Variants in DDX10 observed in about 807,000 individuals in gnomAD.
The protein encoded by DDX10 is probable ATP-dependent RNA helicase DDX10.
DDX10 carries 74 observed loss-of-function variants against 104.3 expected under a neutral mutation model. The ratio of observed to expected loss-of-function variants is 0.71; its 90% CI spans 0.59 to 0.86. The LOEUF (loss-of-function observed/expected upper bound fraction) is 0.86, where lower values mean the gene tolerates loss of function less well. Among genes scored for constraint, DDX10 ranks in the 40% least tolerant of loss-of-function variants. DDX10 has a pLI of 0.00. For missense variants in DDX10, 952 were observed against 1,040.0 expected, an observed-to-expected ratio of 0.92 and a Z score of 1.16; for synonymous variants, 351 against 353.4, an observed-to-expected ratio of 0.99 and a Z score of 0.08.
chr11:108,899,911 C>G (rs766225465), intron 16 of DDX10, among the ~76,000 whole-genome samples: 1 of 152,080 alleles, frequency 6.6e-6, no homozygotes, highest in Non-Finnish European at 1.5e-5. Flanking sequence ...GTCAGGAGTT[C>G]GAGAGCAGCC....
intron 9 of DDX10, among the ~76,000 whole-genome samples, chr11:108,694,093 A>T (rs1215104515): frequency 6.6e-6 from 1 of 152,210 alleles, no homozygotes; most frequent in Non-Finnish European, 1.5e-5. Context: ...ACACAGTGGG[A>T]TGGTGTGACA....
intron 10 of DDX10, among the ~76,000 whole-genome samples, chr11:108,709,003 C>T (rs2094280500): frequency 1.3e-5 from 2 of 152,130 alleles, no homozygotes; most frequent in Admixed American, 6.5e-5. Context: ...CCATTCTTTT[C>T]GATTTCCTAT....
chr11:108,863,329 T>C (rs1181519379), intron 16 of DDX10, among the ~76,000 whole-genome samples: 1 of 152,220 alleles, frequency 6.6e-6, no homozygotes, highest in East Asian at 1.9e-4. Flanking sequence ...AAATGGTATA[T>C]ACGTGATCTA....
intron 9 of DDX10, among the ~76,000 whole-genome samples, chr11:108,701,275 T>G (rs1231171421): frequency 1.2e-4 from 18 of 152,316 alleles, no homozygotes; most frequent in East Asian, 3.9e-4. Flanking sequence ...GCTGTCTTTC[T>G]GCACCTGCAT....
At chr11:108,792,628 A>G (rs2134549476) in intron 13 of DDX10, among the ~76,000 whole-genome samples, 1 of 152,206 alleles carries the variant, frequency 6.6e-6, no homozygotes, top group Non-Finnish European at 1.5e-5. Flanking sequence ...ATCTGTCCTT[A>G]TGCCAATATT....
intron 13 of DDX10, among the ~76,000 whole-genome samples, chr11:108,760,938 G>A (rs1053663185): frequency 5.9e-5 from 9 of 151,940 alleles, no homozygotes; most frequent in African/African-American, 1.9e-4. Flanking sequence ...TTCAAAGGTG[G>A]AAGAGTGAAT....
chr11:108,833,050 A>G (rs1302321555), intron 13 of DDX10, among the ~76,000 whole-genome samples: 2 of 152,202 alleles, frequency 1.3e-5, no homozygotes, highest in Non-Finnish European at 2.9e-5. Flanking sequence ...ATTACCTGCT[A>G]AAGTTAATAT....
chr11:108,741,093 T>C (rs2094324654), intron 13 of DDX10, among the ~76,000 whole-genome samples: 1 of 152,198 alleles, frequency 6.6e-6, no homozygotes, highest in Non-Finnish European at 1.5e-5. Context: ...TTGTTGACTT[T>C]ATCGAAGATC....
intron 13 of DDX10, among the ~76,000 whole-genome samples, chr11:108,809,701 A>T (rs1335054041): frequency 2.6e-5 from 4 of 152,192 alleles, no homozygotes; most frequent in Admixed American, 1.3e-4. Context: ...TGGAACTCAC[A>T]TTCTAATGCA....
At chr11:108,824,799 G>A (rs888013226) in intron 13 of DDX10, among the ~76,000 whole-genome samples, 4 of 151,934 alleles carry the variant, frequency 2.6e-5, no homozygotes, top group African/African-American at 9.7e-5. Context: ...TGTTTTTTTC[G>A]AGGGTCATGG....
chr11:108,799,971 C>T (rs940614480), intron 13 of DDX10, among the ~76,000 whole-genome samples: 8 of 151,956 alleles, frequency 5.3e-5, no homozygotes, highest in Non-Finnish European at 1.0e-4. Flanking sequence ...CAGGCTGAAG[C>T]GCAGTGGCAC....
At chr11:108,725,492 T>C (rs61914007) in intron 13 of DDX10, among the ~76,000 whole-genome samples, 7,618 of 152,174 alleles carry the variant, frequency 0.05, 233 homozygotes, top group Non-Finnish European at 0.076. Context: ...TGTCAGTCTT[T>C]TAATTTTAGC....
At chr11:108,798,326 C>T (rs1791029649) in intron 13 of DDX10, among the ~76,000 whole-genome samples, 1 of 152,154 alleles carries the variant, frequency 6.6e-6, no homozygotes, top group Non-Finnish European at 1.5e-5. Context: ...ACCTTCTTAA[C>T]CATCTTTAAG....
At chr11:108,667,919 ACTCTC>A (rs1565239843) in intron 1 of DDX10, among the ~76,000 whole-genome samples, 1 of 151,982 alleles carries the variant, frequency 6.6e-6, no homozygotes. Context: ...TTTTAAAAAA[ACTCTC>A]CTACTAGACC....
At chr11:108,839,498 C>G (rs181976383) in intron 14 of DDX10, among the ~76,000 whole-genome samples, 25 of 152,250 alleles carry the variant, frequency 1.6e-4, no homozygotes, top group Non-Finnish European at 2.9e-4. Flanking sequence ...AATAAGCCCT[C>G]ACAAAAATTT....
At chr11:108,840,276 A>G (rs1236539473) in intron 14 of DDX10, among the ~76,000 whole-genome samples, 1 of 152,188 alleles carries the variant, frequency 6.6e-6, no homozygotes, top group Non-Finnish European at 1.5e-5. Context: ...AAGAATGGTT[A>G]TGGTGGCCAC....
intron 17 of DDX10, among the ~76,000 whole-genome samples, chr11:108,928,058 C>G (rs1263309123): frequency 3.9e-5 from 6 of 152,186 alleles, no homozygotes; most frequent in Non-Finnish European, 7.3e-5. Flanking sequence ...ATTCACACAT[C>G]ATTTAAAGTA....
chr11:108,767,620 T>C (rs1367819814), intron 13 of DDX10, among the ~76,000 whole-genome samples: 1 of 152,214 alleles, frequency 6.6e-6, no homozygotes, highest in Non-Finnish European at 1.5e-5. Flanking sequence ...GATTCTGCTA[T>C]TTTATCCCTT....
At chr11:108,906,447 T>C (rs1243196281) in intron 16 of DDX10, among the ~76,000 whole-genome samples, 1 of 152,184 alleles carries the variant, frequency 6.6e-6, no homozygotes, top group Non-Finnish European at 1.5e-5. Flanking sequence ...ACAGGCACCA[T>C]CACATGCATT....
Sources: allele counts gnomAD v4.1 joint callset (sites outside exome capture counted in the v4.1 genomes callset), GRCh38; gene constraint gnomAD v4.1.1; transcripts MANE v1.5; gene names NCBI Gene and HGNC (gene_info 2026-07-23, HGNC 2026-07-21).